The following KDM3A variants were observed in gnomAD, a reference collection of about 807,000 sequenced individuals.
The protein encoded by KDM3A is lysine-specific demethylase 3A.
In KDM3A, 60 loss-of-function variants were observed where a neutral mutation model predicts 158.0. The ratio of observed to expected loss-of-function variants is 0.38; its 90% confidence interval spans 0.31 to 0.47. The LOEUF is 0.47. KDM3A is among the 20% of genes least tolerant of loss of function. The pLI, the probability that KDM3A is intolerant of heterozygous loss-of-function variation, is 0.99. For synonymous variants in KDM3A, 608 were observed against 549.3 expected (o/e 1.11, Z -1.49); for missense variants, 1,319 against 1,574.3 (o/e 0.84, Z 2.74).
chr2:86,455,480 C>CA (rs200597091), intron 5 of KDM3A, among the ~76,000 whole-genome samples: 3,425 of 152,046 alleles, frequency 0.023, 77 homozygotes, highest in East Asian at 0.053. Flanking sequence ...AGGCTGGTGT[C>CA]AAACTCCTGG....
chr2:86,491,837 T>C (rs1446648138), intron 25 of KDM3A: 12 of 558,680 alleles, frequency 2.1e-5, no homozygotes, highest in Non-Finnish European at 3.5e-5. Context: ...GGAAAATGAG[T>C]TCTTGAAATC....
At chr2:86,484,517 A>C (rs977199245) in intron 19 of KDM3A, among the ~76,000 whole-genome samples, 1 of 152,194 alleles carries the variant, frequency 6.6e-6, no homozygotes, top group Non-Finnish European at 1.5e-5. Flanking sequence ...GATGCTGCTC[A>C]CTTCTTCTGG....
At chr2:86,491,570 T>A in intron 25 of KDM3A, 1 of 407,980 alleles carries the variant, frequency 2.5e-6, no homozygotes, top group African/African-American at 2.0e-5. Flanking sequence ...CCCAGCTGCC[T>A]GTCGGGGTCT....
At chr2:86,452,739 G>A (rs976035238) in intron 4 of KDM3A, among the ~76,000 whole-genome samples, 14 of 152,186 alleles carry the variant, frequency 9.2e-5, no homozygotes, top group African/African-American at 3.1e-4. Flanking sequence ...TCAGGTTGCC[G>A]AGCCTGTATC....
At chr2:86,474,665 A>T (rs1673570869) in intron 11 of KDM3A, 111 bp from the exon 12 acceptor site, 2 of 373,728 alleles carry the variant, frequency 5.4e-6, no homozygotes, top group Non-Finnish European at 8.8e-6. Context: ...CTCCATCCCA[A>T]AAAAAAAAAA....
chr2:86,472,625 AAC>A (rs972652724), intron 11 of KDM3A, among the ~76,000 whole-genome samples: 11 of 152,206 alleles, frequency 7.2e-5, no homozygotes, highest in African/African-American at 2.7e-4. Flanking sequence ...TGTGTTAGGT[AAC>A]AGTGTCTTGT....
chr2:86,460,980 G>T (rs1672902288), intron 8 of KDM3A: 1 of 152,172 alleles, frequency 6.6e-6, no homozygotes, highest in Non-Finnish European at 1.5e-5. Flanking sequence ...TAAAGGAAAA[G>T]CACGCTAAGT....
chr2:86,470,074 C>T (rs1335013316), intron 10 of KDM3A, 130 bp from the exon 11 acceptor site: 13 of 696,224 alleles, frequency 1.9e-5, no homozygotes, highest in Non-Finnish European at 2.7e-5. Context: ...TTAGAAATTA[C>T]AATTGAACCA....
At chr2:86,483,896 T>G in intron 18 of KDM3A, 91 bp from the exon 19 acceptor site, 3 of 1,032,758 alleles carry the variant, frequency 2.9e-6, no homozygotes, top group Non-Finnish European at 2.8e-6. Context: ...TCCATGGAAA[T>G]ATACCAATAG....
At chr2:86,440,090 T>A (rs1205055294), upstream of KDM3A, among the ~76,000 whole-genome samples, 1 of 152,232 alleles carries the variant, frequency 6.6e-6, no homozygotes, top group African/African-American at 2.4e-5. Flanking sequence ...CTTATCTCGT[T>A]CCCATTTCTG....
At position 86,447,288 on chromosome 2, in the gene KDM3A, C is replaced by CTTT. The variant is rs751507169; in HGVS notation, c.187-2505_187-2503dup. Among the ~76,000 whole-genome samples the CTTT allele has an allele frequency of 1.4e-3, 184 of 135,652 alleles. 1 individual carries two copies. The highest frequency in any genetic ancestry group is 2.5e-3 in the Non-Finnish European group (158 of 62,570). 89.0% of individuals were successfully genotyped at this position (135,652 alleles called of 152,430 possible). On this transcript the variant is annotated intron_variant, in intron 2 of 25. Coordinates refer to ENST00000312912, the MANE Select transcript of KDM3A (RefSeq NM_018433.6). Reference sequence around the variant, plus strand: ...CTTAAATTGTTTTTAAGGAGGTAAACTTTTTTTTTTTTTTTTCAAATCACT... The same window carrying CTTT: ...CTTAAATTGTTTTTAAGGAGGTAAACTTTTTTTTTTTTTTTTTTTCAAATCACT...
rs368056764 is a variant in KDM3A at position 86,470,237 on chromosome 2, C to T, written c.1553C>T (p.Ala518Val). Reference protein sequence around the residue: ...PSRKSVLTDPAKLKKLQQSGE... With the variant: ...PSRKSVLTDPVKLKKLQQSGE... ...AGGAAGTCGGTTTTGACAGACCCAG[C>T]TAAACTCAAAAAGCTGCAACAGAGT... Residue 518 changes from alanine to valine, a missense_variant, in exon 11 of 26, where the codon GCT becomes GTT. Physicochemically the swap from Ala to Val is moderately conservative, Grantham distance 64. Transcript: ENST00000312912. The T allele has an allele frequency of 1.8e-5, 29 of 1,614,116 alleles. No individual in the cohort carries two copies. Among genetic ancestry groups the T allele is most frequent in the South Asian group, 1.1e-5 (1 of 91,088 alleles).
intron 8 of KDM3A, among the ~76,000 whole-genome samples, chr2:86,460,193 C>T (rs1672868885): frequency 2.0e-5 from 3 of 152,160 alleles, no homozygotes; most frequent in Non-Finnish European, 4.4e-5. Context: ...TGTCTCTTCT[C>T]CCCCTGTATT....
At chr2:86,443,352 T>C (rs1377604255) in intron 2 of KDM3A, 2 of 152,248 alleles carry the variant, frequency 1.3e-5, no homozygotes, top group African/African-American at 4.8e-5. Flanking sequence ...TGACAGTGTA[T>C]GCCCAAACTG....
rs893874793 is a variant in KDM3A at position 86,478,410 on chromosome 2, A to G, written c.2188+145A>G. On this transcript the variant is annotated intron_variant, in intron 14 of 25. Transcript: ENST00000312912. ...AGAAATATATTAGATAATTCCTCCA[A>G]CACTTTTCGAGTCAAGTTTTGTGGG... is the stretch of plus-strand genomic sequence containing the variant. 4.8e-6 allele frequency: 4 copies of G among 836,074 alleles called. No homozygotes were observed. In the African/African-American group the frequency reaches 5.2e-5, roughly 11 times the overall value. 51.8% of individuals were successfully genotyped at this position (836,074 alleles called of 1,614,324 possible). A position where few individuals can be genotyped will look rare whatever the true frequency, so the allele number is the denominator to read the frequency against.
At chr2:86,438,369 G>A (rs2104607449), upstream of KDM3A, among the ~76,000 whole-genome samples, 1 of 152,068 alleles carries the variant, frequency 6.6e-6, no homozygotes, top group South Asian at 2.1e-4. Flanking sequence ...GGTAGATGTT[G>A]GTCAAAGGAC....
intron 4 of KDM3A, among the ~76,000 whole-genome samples, chr2:86,453,091 A>G (rs1443150583): frequency 1.3e-5 from 2 of 152,184 alleles, no homozygotes; most frequent in South Asian, 4.1e-4. Flanking sequence ...AAGGTTTTCA[A>G]TTAAGGTAGA....
At chr2:86,476,737 A>G (rs1053904370) in intron 12 of KDM3A, among the ~76,000 whole-genome samples, 7 of 152,256 alleles carry the variant, frequency 4.6e-5, no homozygotes, top group Admixed American at 1.3e-4. Context: ...GCCTAAAGCT[A>G]TATGAATTGT....
At chr2:86,475,792 T>G (rs1387336683) in intron 12 of KDM3A, among the ~76,000 whole-genome samples, 1 of 152,236 alleles carries the variant, frequency 6.6e-6, no homozygotes, top group Non-Finnish European at 1.5e-5. Flanking sequence ...GTGTCTCTTT[T>G]TAGACTTTGC....
Sources: gnomAD v4.1 joint callset for allele counts (sites outside exome capture counted in the v4.1 genomes callset) on GRCh38, gnomAD v4.1.1 for gene constraint, MANE v1.5 for transcripts, NCBI Gene and HGNC (gene_info 2026-07-23, HGNC 2026-07-21) for gene names.